Variants in LIPA observed in about 807,000 individuals in gnomAD.
LIPA encodes the protein lysosomal acid lipase/cholesteryl ester hydrolase.
A neutral mutation model predicts 40.6 loss-of-function variants in LIPA; 26 were observed. That is an observed-to-expected ratio of 0.64 (90% CI 0.47 to 0.89). The LOEUF (loss-of-function observed/expected upper bound fraction) is 0.89, where lower values mean the gene tolerates loss of function less well. Ranked by LOEUF, LIPA falls within the 40% of genes least tolerant of loss-of-function variation. LIPA has a pLI of 0.00. For synonymous variants in LIPA, 188 were observed against 168.4 expected (o/e 1.12, Z -0.90); for missense variants, 455 against 479.6 (o/e 0.95, Z 0.48).
At chr10:89,223,342 C>T (rs1406774308) in intron 7 of LIPA, among the ~76,000 whole-genome samples, 2 of 152,114 alleles carry the variant, frequency 1.3e-5, no homozygotes, top group African/African-American at 4.8e-5. Flanking sequence ...TTGGAGTCCC[C>T]ACTGTCTATT....
chr10:89,359,840 C>A (rs1195591767), intron 2 of LIPA, among the ~76,000 whole-genome samples: 5 of 146,942 alleles, frequency 3.4e-5, no homozygotes, highest in African/African-American at 1.0e-4. Flanking sequence ...CACACACACA[C>A]ACAAACACAC....
intron 2 of LIPA, among the ~76,000 whole-genome samples, chr10:89,374,202 T>C (rs1193452413): frequency 6.6e-6 from 1 of 152,262 alleles, no homozygotes; most frequent in East Asian, 1.9e-4. Context: ...GAGCTGGTTC[T>C]GGAATGTTGA....
intron 1 of LIPA, among the ~76,000 whole-genome samples, chr10:89,313,349 C>T (rs1055172519): frequency 5.9e-5 from 9 of 152,322 alleles, no homozygotes; most frequent in African/African-American, 1.7e-4. Flanking sequence ...CATACCAGCA[C>T]ATTTTCCTTC....
chr10:89,388,314 C>T (rs1325016143), intron 2 of LIPA, among the ~76,000 whole-genome samples: 1 of 152,164 alleles, frequency 6.6e-6, no homozygotes, highest in Non-Finnish European at 1.5e-5. Flanking sequence ...CCATGTTGGC[C>T]AGCATGGTCT....
intron 2 of LIPA, among the ~76,000 whole-genome samples, chr10:89,356,041 T>C (rs900463653): frequency 1.3e-5 from 2 of 152,198 alleles, no homozygotes; most frequent in Non-Finnish European, 2.9e-5. Flanking sequence ...AGGCTTTCTT[T>C]TATTCCTTTA....
intron 2 of LIPA, among the ~76,000 whole-genome samples, chr10:89,389,421 T>C (rs191531880): frequency 4.9e-4 from 75 of 152,314 alleles, no homozygotes; most frequent in Middle Eastern, 3.4e-3. Context: ...TGGAAAGGAC[T>C]GCTGAGGAGA....
intron 1 of LIPA, among the ~76,000 whole-genome samples, chr10:89,341,150 T>C (rs41284138): frequency 0.024 from 3,720 of 152,274 alleles, 77 homozygotes; most frequent in South Asian, 0.056. Context: ...CCTTACATTA[T>C]AGGAACTATG....
At chr10:89,391,599 G>A (rs1002191682) in intron 2 of LIPA, among the ~76,000 whole-genome samples, 3 of 150,910 alleles carry the variant, frequency 2.0e-5, no homozygotes, top group East Asian at 1.9e-4. Context: ...GTGTGATCTC[G>A]GCTCACTGCA....
Position 89,398,664 on chromosome 10 carries a change from A to G in LIPA, c.61+14127T>C, listed in dbSNP as rs984306488. 8.3e-4 allele frequency among the ~76,000 whole-genome samples: 126 copies of G among 152,258 alleles called. 1 individual carries two copies. Among genetic ancestry groups the G allele is most frequent in the African/African-American group, 3.0e-3 (123 of 41,470 alleles). ...TTGTGACTGGCTTATTTCACTTAAC[A>G]TAATACCTTCAAAGTTTATCCATGT... On this transcript the variant is annotated intron_variant, in intron 2 of 8. Coordinates refer to the LIPA transcript ENST00000371837.
intron 1 of LIPA, chr10:89,306,987 A>G: frequency 1.2e-6 from 2 of 1,614,074 alleles, no homozygotes; most frequent in Non-Finnish European, 1.7e-6. Context: ...GCCAGCCTCC[A>G]TGCTCTAGCA....
At chr10:89,253,512 T>G (rs1286798344), upstream of LIPA, among the ~76,000 whole-genome samples, 3 of 152,132 alleles carry the variant, frequency 2.0e-5, no homozygotes, top group Non-Finnish European at 4.4e-5. Flanking sequence ...TCCCACAACA[T>G]GTGGGAATTA....
intron 1 of LIPA, among the ~76,000 whole-genome samples, chr10:89,269,443 G>A (rs1036803748): frequency 6.6e-6 from 1 of 152,020 alleles, no homozygotes; most frequent in African/African-American, 2.4e-5. Flanking sequence ...GTCTAATGTA[G>A]GTATATCTTT....
intron 1 of LIPA, among the ~76,000 whole-genome samples, chr10:89,295,408 T>C (rs1843407795): frequency 2.6e-5 from 4 of 152,264 alleles, no homozygotes; most frequent in Non-Finnish European, 5.9e-5. Context: ...AGTTTCATTT[T>C]ATAGAAGTAA....
intron 1 of LIPA, among the ~76,000 whole-genome samples, chr10:89,286,177 C>T (rs886676486): frequency 2.0e-5 from 3 of 152,058 alleles, no homozygotes; most frequent in Admixed American, 6.6e-5. Flanking sequence ...TTTTACACAT[C>T]GGTCCCTCGT....
intron 1 of LIPA, among the ~76,000 whole-genome samples, chr10:89,250,569 G>T (rs1278667194): frequency 6.6e-6 from 1 of 152,096 alleles, no homozygotes; most frequent in Non-Finnish European, 1.5e-5. Context: ...TATTACTAGA[G>T]AATAAGGAGT....
At chr10:89,225,283 A>T (rs1272214194) in intron 5 of LIPA, 55 bp from the exon 6 acceptor site, 11 of 1,610,496 alleles carry the variant, frequency 6.8e-6, no homozygotes, top group Non-Finnish European at 9.3e-6. Context: ...TTTCCTTCTC[A>T]GAAAACACAA....
intron 8 of LIPA, 148 bp downstream of exon 8, chr10:89,222,363 G>A (rs1289258831): frequency 1.6e-5 from 11 of 707,780 alleles, no homozygotes; most frequent in Non-Finnish European, 2.6e-5. Context: ...AGCAACACAA[G>A]CACGATGACA....
chr10:89,244,999 C>A (rs1365426524), intron 3 of LIPA, among the ~76,000 whole-genome samples: 1 of 152,068 alleles, frequency 6.6e-6, no homozygotes, highest in African/African-American at 2.4e-5. Flanking sequence ...TGAAATAGCA[C>A]AAATATGCAT....
At chr10:89,322,852 A>C (rs980704031) in intron 1 of LIPA, among the ~76,000 whole-genome samples, 1 of 152,156 alleles carries the variant, frequency 6.6e-6, no homozygotes, top group Admixed American at 6.5e-5. Flanking sequence ...CCCAGGAAGC[A>C]CCTGGAGGGC....
Sources: allele counts gnomAD v4.1 joint callset (sites outside exome capture counted in the v4.1 genomes callset), GRCh38; gene constraint gnomAD v4.1.1; transcripts MANE v1.5; gene names NCBI Gene and HGNC (gene_info 2026-07-23, HGNC 2026-07-21).